ROR1: variants seen among roughly 807,000 people sequenced by gnomAD.
The protein encoded by ROR1 is ROR family WNT receptor 1.
ROR1 carries 19 observed loss-of-function variants against 78.8 expected under a neutral mutation model. That is an observed-to-expected ratio of 0.24 (90% CI 0.17 to 0.35). The LOEUF is 0.35. Ranked by LOEUF, ROR1 falls within the 10% of genes least tolerant of loss-of-function variation. The probability of loss-of-function intolerance (pLI) is 1.00; values close to 1 mark genes in which losing one functional copy is unlikely to be tolerated. For missense variants in ROR1, 917 were observed against 1,177.8 expected (o/e 0.78, Z 3.24); for synonymous variants, 386 against 433.6 (o/e 0.89, Z 1.36).
chr1:63,852,522 T>G (rs1235763556), intron 1 of ROR1, among the ~76,000 whole-genome samples: 3 of 152,218 alleles, frequency 2.0e-5, no homozygotes, highest in African/African-American at 7.2e-5. Flanking sequence ...TATTCACAGA[T>G]GCCTTGAGAA....
intron 2 of ROR1, among the ~76,000 whole-genome samples, chr1:64,015,593 G>T (rs1254090641): frequency 1.3e-5 from 2 of 152,146 alleles, no homozygotes; most frequent in East Asian, 1.9e-4. Flanking sequence ...GTCAGAATGG[G>T]GTGACTGAGT....
intron 7 of ROR1, chr1:64,143,158 T>C (rs1649375777): frequency 1.0e-6 from 1 of 990,092 alleles, no homozygotes; most frequent in Non-Finnish European, 1.2e-6. Flanking sequence ...AGCATATAGG[T>C]ATCTAGTAAG....
At chr1:63,877,187 T>A (rs1490878697) in intron 1 of ROR1, among the ~76,000 whole-genome samples, 2 of 152,130 alleles carry the variant, frequency 1.3e-5, no homozygotes, top group Non-Finnish European at 2.9e-5. Context: ...CAAGACCCAA[T>A]CAGTTAATAA....
At chr1:64,084,408 G>A (rs6674255) in intron 4 of ROR1, among the ~76,000 whole-genome samples, 22,735 of 152,124 alleles carry the variant, frequency 0.15, 1,785 homozygotes, top group Middle Eastern at 0.2. Flanking sequence ...AAAAAATCAC[G>A]ATTACTGCAA....
intron 4 of ROR1, among the ~76,000 whole-genome samples, chr1:64,072,272 A>G (rs1647010184): frequency 6.6e-6 from 1 of 152,146 alleles, no homozygotes; most frequent in Non-Finnish European, 1.5e-5. Context: ...GAAGTTTGCT[A>G]TTACTAAGGG....
intron 1 of ROR1, among the ~76,000 whole-genome samples, chr1:63,905,536 T>C (rs1645521259): frequency 6.6e-6 from 1 of 152,180 alleles, no homozygotes; most frequent in Admixed American, 6.5e-5. Context: ...AAGTTTATAT[T>C]AATTGACATA....
At chr1:64,030,046 G>T (rs1646647103) in intron 2 of ROR1, among the ~76,000 whole-genome samples, 1 of 152,046 alleles carries the variant, frequency 6.6e-6, no homozygotes, top group South Asian at 2.1e-4. Context: ...ACTGTATTTT[G>T]ATTGAGCCCC....
chr1:64,164,545 T>G (rs2100734659), intron 8 of ROR1, among the ~76,000 whole-genome samples: 1 of 152,334 alleles, frequency 6.6e-6, no homozygotes, highest in East Asian at 1.9e-4. Flanking sequence ...ACCTCACAGG[T>G]ACTTAATAAC....
intron 1 of ROR1, among the ~76,000 whole-genome samples, chr1:63,927,980 A>T (rs767764312): frequency 5.8e-5 from 8 of 138,856 alleles, no homozygotes; most frequent in Admixed American, 1.5e-4. Flanking sequence ...TTTTTTTGCC[A>T]GCCAGCCTAA....
intron 2 of ROR1, among the ~76,000 whole-genome samples, chr1:64,044,010 T>A (rs1009969797): frequency 6.6e-6 from 1 of 152,204 alleles, no homozygotes; most frequent in African/African-American, 2.4e-5. Context: ...ATACTGGCAT[T>A]TCATTTTCCT....
chr1:63,775,618 C>T (rs1644612162), intron 1 of ROR1, among the ~76,000 whole-genome samples: 1 of 152,134 alleles, frequency 6.6e-6, no homozygotes, highest in Non-Finnish European at 1.5e-5. Context: ...AAAAGTTCTG[C>T]GCTACTTAGC....
rs1356252522 is a variant in ROR1 at position 64,174,777 on chromosome 1, G to GCATGGCA, written c.1387-2651_1387-2650insCATGGCA. ...ATGTCATGCAGGAAAAATTCACCTT[G>GCATGGCA]AGTTACTCTTGCCAGCAAAAGTAAA... On this transcript the variant is annotated intron_variant, in intron 8 of 8. Coordinates refer to ENST00000371079, the MANE Select transcript of ROR1 (RefSeq NM_005012.4). 2.6e-5 allele frequency among the ~76,000 whole-genome samples: 4 copies of GCATGGCA among 152,184 alleles called. No homozygotes were observed. The East Asian group carries it at 5.8e-4, about 22-fold the overall frequency.
chr1:63,861,486 G>T (rs972069150), intron 1 of ROR1, among the ~76,000 whole-genome samples: 16 of 152,132 alleles, frequency 1.1e-4, no homozygotes, highest in South Asian at 2.1e-4. Flanking sequence ...AGAACACCAG[G>T]TTTGGATGTT....
intron 1 of ROR1, among the ~76,000 whole-genome samples, chr1:63,995,803 A>G (rs1201434828): frequency 6.6e-6 from 1 of 152,184 alleles, no homozygotes; most frequent in Admixed American, 6.5e-5. Flanking sequence ...ATTTATTATT[A>G]TAGCTATTAT....
At chr1:63,838,386 C>T (rs1450197260) in intron 1 of ROR1, among the ~76,000 whole-genome samples, 3 of 151,966 alleles carry the variant, frequency 2.0e-5, no homozygotes, top group Non-Finnish European at 4.4e-5. Context: ...CCTTGAAGAG[C>T]TTCCAGGGGA....
chr1:63,862,581 AAACCC>A (rs1645188944), intron 1 of ROR1, among the ~76,000 whole-genome samples: 1 of 152,052 alleles, frequency 6.6e-6, no homozygotes, highest in Admixed American at 6.6e-5. Context: ...TTGAGTAAAG[AAACCC>A]GAGAGTTAGG....
At chr1:64,121,012 T>C (rs1648510673) in intron 4 of ROR1, among the ~76,000 whole-genome samples, 1 of 148,806 alleles carries the variant, frequency 6.7e-6, no homozygotes. Flanking sequence ...CTGGATGACT[T>C]CTTCAGCATT....
intron 1 of ROR1, among the ~76,000 whole-genome samples, chr1:63,796,914 C>T (rs1019208346): frequency 6.6e-6 from 1 of 152,030 alleles, no homozygotes; most frequent in Non-Finnish European, 1.5e-5. Context: ...CCAACATCAT[C>T]GGTGATGAGA....
chr1:63,955,580 A>G (rs1205777098), intron 1 of ROR1, among the ~76,000 whole-genome samples: 1 of 152,200 alleles, frequency 6.6e-6, no homozygotes, highest in Admixed American at 6.5e-5. Context: ...TGGAGAAATA[A>G]ATCCAGCTGC....
Sources: allele counts gnomAD v4.1 joint callset (sites outside exome capture counted in the v4.1 genomes callset), GRCh38; gene constraint gnomAD v4.1.1; transcripts MANE v1.5; gene names NCBI Gene and HGNC (gene_info 2026-07-23, HGNC 2026-07-21).